Variants in GATAD2B observed in about 807,000 individuals in gnomAD.
The protein encoded by GATAD2B is transcriptional repressor p66-beta.
In GATAD2B, 8 loss-of-function variants were observed where a neutral mutation model predicts 64.3. The observed-to-expected ratio is 0.12, with a 90% CI of 0.07 to 0.22. The LOEUF (loss-of-function observed/expected upper bound fraction) is 0.22, where lower values mean the gene tolerates loss of function less well. GATAD2B is among the 10% of genes least tolerant of loss of function. The pLI, the probability that GATAD2B is intolerant of heterozygous loss-of-function variation, is 1.00. For missense variants in GATAD2B, 453 were observed against 752.0 expected (o/e 0.60, Z 4.65); for synonymous variants, 281 against 271.3 (o/e 1.04, Z -0.35).
At chr1:153,821,130 C>T (rs1007813162) in intron 2 of GATAD2B, among the ~76,000 whole-genome samples, 12 of 151,800 alleles carry the variant, frequency 7.9e-5, no homozygotes, top group Non-Finnish European at 1.6e-4. Flanking sequence ...TACAGGTGCA[C>T]ACCACTGTGC....
intron 1 of GATAD2B, among the ~76,000 whole-genome samples, chr1:153,862,603 C>A (rs879736503): frequency 1.9e-4 from 29 of 152,096 alleles, no homozygotes; most frequent in Non-Finnish European, 3.1e-4. Context: ...AGCAATGTTA[C>A]TCAAAGTGTG....
intron 1 of GATAD2B, among the ~76,000 whole-genome samples, chr1:153,917,345 C>T (rs1678303967): frequency 6.6e-6 from 1 of 151,572 alleles, no homozygotes; most frequent in Non-Finnish European, 1.5e-5. Flanking sequence ...ATACACCCGC[C>T]TCGGCCTCCC....
Position 153,808,306 on chromosome 1 carries a change from G to C in GATAD2B, c.*1871C>G, listed in dbSNP as rs1674171293. 6.6e-6 allele frequency: 1 copy of C among 152,592 alleles called. No individual in the cohort carries two copies. Among genetic ancestry groups the C allele is most frequent in the Non-Finnish European group, 1.5e-5 (1 of 68,044 alleles). 9.5% of individuals were successfully genotyped at this position (152,592 alleles called of 1,614,324 possible). ...GGTAAGGGAGGAAAGAAAAAAGCCAGGAAGGCCCGTAGGGCCAGTATAGTC... is the reference window on the plus strand; with the variant it reads ...GGTAAGGGAGGAAAGAAAAAAGCCACGAAGGCCCGTAGGGCCAGTATAGTC... On this transcript the variant is annotated 3_prime_UTR_variant, in exon 11 of 11. Coordinates refer to ENST00000368655, the MANE Select transcript of GATAD2B (RefSeq NM_020699.4).
chr1:153,812,272 C>T (rs1674319578), intron 8 of GATAD2B, 140 bp from the exon 9 acceptor site: 2 of 598,730 alleles, frequency 3.3e-6, no homozygotes, highest in Non-Finnish European at 5.9e-6. Context: ...TCAAGCAATC[C>T]TCTCACCTTA....
intron 1 of GATAD2B, among the ~76,000 whole-genome samples, 187 bp downstream of exon 1, chr1:153,922,546 G>C (rs1306142428): frequency 7.1e-6 from 1 of 140,472 alleles, no homozygotes; most frequent in African/African-American, 2.6e-5. Context: ...GGTGGGGGGA[G>C]GGGGACGCAA....
chr1:153,861,093 A>C (rs1676264013), intron 1 of GATAD2B, among the ~76,000 whole-genome samples: 1 of 152,208 alleles, frequency 6.6e-6, no homozygotes, highest in African/African-American at 2.4e-5. Flanking sequence ...TTCAGGCAGC[A>C]AACTTCAAGC....
chr1:153,813,156 G>C, intron 8 of GATAD2B, 94 bp downstream of exon 8: 1 of 869,148 alleles, frequency 1.2e-6, no homozygotes, highest in Non-Finnish European at 1.9e-6. Context: ...TGGACCTGTA[G>C]GGATCACATG....
At chr1:153,919,691 A>G (rs1271521330) in intron 1 of GATAD2B, among the ~76,000 whole-genome samples, 1 of 152,244 alleles carries the variant, frequency 6.6e-6, no homozygotes, top group African/African-American at 2.4e-5. Context: ...CAAAAGCAGG[A>G]GAACTGCAAC....
At chr1:153,911,717 C>T (rs1678113611) in intron 1 of GATAD2B, among the ~76,000 whole-genome samples, 2 of 151,564 alleles carry the variant, frequency 1.3e-5, no homozygotes, top group Admixed American at 6.6e-5. Flanking sequence ...GCCTGGGCAA[C>T]AAGAGTGAAA....
chr1:153,876,240 A>AG (rs1676829093), intron 1 of GATAD2B, among the ~76,000 whole-genome samples: 1 of 137,636 alleles, frequency 7.3e-6, no homozygotes, highest in South Asian at 2.2e-4. Flanking sequence ...AAAAAAAAAA[A>AG]AAAAAAAAAA....
At chr1:153,852,491 G>A (rs535579509) in intron 1 of GATAD2B, 9 of 762,330 alleles carry the variant, frequency 1.2e-5, no homozygotes, top group East Asian at 4.9e-5. Context: ...TACGTGACTC[G>A]ATGTGCTCTG....
chr1:153,910,095 CAG>C (rs1440697096), intron 1 of GATAD2B, among the ~76,000 whole-genome samples: 1 of 151,726 alleles, frequency 6.6e-6, no homozygotes, highest in Non-Finnish European at 1.5e-5. Flanking sequence ...AGCCTGGCAA[CAG>C]AGTGAGACTC....
intron 2 of GATAD2B, among the ~76,000 whole-genome samples, chr1:153,821,423 T>C (rs1674680602): frequency 6.6e-6 from 1 of 152,138 alleles, no homozygotes; most frequent in South Asian, 2.1e-4. Flanking sequence ...AATGACTATC[T>C]TGTGAACTAT....
chr1:153,820,974 A>ATTT lies in GATAD2B; in HGVS notation c.336-1242_336-1240dup, dbSNP rs869096882. The stretch of plus-strand genomic sequence containing the variant: ...GTCCTAGTTGCTGTTGGCACATGGA[A>ATTT]TTTTTTTTTTTTTTTTTTTTTTTTT... On this transcript the variant is annotated intron_variant, in intron 2 of 10. Coordinates refer to ENST00000368655, the MANE Select transcript of GATAD2B (RefSeq NM_020699.4). Among the ~76,000 whole-genome samples, 16 of 50,864 alleles carry ATTT rather than the reference A, an allele frequency of 3.1e-4. 1 individual carries two copies. The highest frequency in any genetic ancestry group is 1.4e-3 in the African/African-American group (16 of 11,558). 33.4% of individuals were successfully genotyped at this position (50,864 alleles called of 152,430 possible).
At chr1:153,820,830 A>G (rs534337579) in intron 2 of GATAD2B, among the ~76,000 whole-genome samples, 3 of 152,010 alleles carry the variant, frequency 2.0e-5, no homozygotes, top group Admixed American at 6.6e-5. Context: ...GGGTCTTACT[A>G]TGTTGCCCAA....
intron 1 of GATAD2B, among the ~76,000 whole-genome samples, chr1:153,850,892 G>T (rs762226209): frequency 1.3e-5 from 2 of 151,546 alleles, no homozygotes; most frequent in Non-Finnish European, 2.9e-5. Context: ...CTACACTACA[G>T]CCTGGGTGAC....
intron 1 of GATAD2B, among the ~76,000 whole-genome samples, chr1:153,837,268 A>T (rs966417889): frequency 2.0e-5 from 3 of 151,882 alleles, no homozygotes; most frequent in African/African-American, 7.3e-5. Context: ...TGTGGGAGGA[A>T]TGCTTGAGTG....
At position 153,922,792 on chromosome 1, in the gene GATAD2B, G is replaced by C. The variant is rs1009170769; in HGVS notation, c.-61C>G. The C allele has an allele frequency of 7.2e-6, 1 of 139,018 alleles. No homozygotes were observed. The highest frequency in any genetic ancestry group is 2.7e-5 in the African/African-American group (1 of 37,548). 8.6% of individuals were successfully genotyped at this position (139,018 alleles called of 1,614,324 possible). On this transcript the variant is annotated 5_prime_UTR_variant, in exon 1 of 11. Coordinates refer to ENST00000368655, the MANE Select transcript of GATAD2B (RefSeq NM_020699.4). ...CTCCTCAGGCGGCGGCGGAGGCGTC[G>C]AAAAAGGAAGAGGCGACGGCACAGG...
chr1:153,870,750 A>AC (rs780821008), intron 1 of GATAD2B, among the ~76,000 whole-genome samples: 1 of 152,054 alleles, frequency 6.6e-6, no homozygotes, highest in Admixed American at 6.6e-5. Flanking sequence ...CTTGAGTCTC[A>AC]CCCCCATGAT....
Sources: gnomAD v4.1 joint callset for allele counts (sites outside exome capture counted in the v4.1 genomes callset) on GRCh38, gnomAD v4.1.1 for gene constraint, MANE v1.5 for transcripts, NCBI Gene and HGNC (gene_info 2026-07-23, HGNC 2026-07-21) for gene names.